Variants in ABHD2 observed in about 807,000 individuals in gnomAD.
The protein encoded by ABHD2 is monoacylglycerol lipase ABHD2.
ABHD2 carries 20 observed loss-of-function variants against 48.1 expected under a neutral mutation model. That is an observed-to-expected ratio of 0.42 (90% CI 0.29 to 0.60). The LOEUF (loss-of-function observed/expected upper bound fraction) is 0.60. ABHD2 is among the 20% of genes least tolerant of loss of function. The probability of loss-of-function intolerance (pLI) is 0.24; values close to 1 mark genes in which losing one functional copy is unlikely to be tolerated. For missense variants in ABHD2, 405 were observed against 550.9 expected, an observed-to-expected ratio of 0.74 and a Z score of 2.65; for synonymous variants, 209 against 214.2, an observed-to-expected ratio of 0.98 and a Z score of 0.21.
chr15:89,046,764 T>C, the ABHD2 span, among the ~76,000 whole-genome samples: 1 of 152,250 alleles, frequency 6.6e-6, no homozygotes, highest in Non-Finnish European at 1.5e-5. Context: ...TCATTTTTTA[T>C]TGCATCTATT....
the ABHD2 span, among the ~76,000 whole-genome samples, chr15:89,060,728 T>A: frequency 6.6e-6 from 1 of 152,020 alleles, no homozygotes; most frequent in Non-Finnish European, 1.5e-5. Flanking sequence ...GTGGAACACT[T>A]GAAACGTATA....
At chr15:89,183,384 A>AAAAAAAAATATAT (rs61602174) in intron 6 of ABHD2, 3 of 46,264 alleles carry the variant, frequency 6.5e-5, no homozygotes, top group African/African-American at 1.4e-4. Flanking sequence ...AAAAAAAAAA[A>AAAAAAAAATATAT]ATATATATAT....
chr15:89,193,838 G>A (rs990207020), intron 10 of ABHD2, among the ~76,000 whole-genome samples: 2 of 151,008 alleles, frequency 1.3e-5, no homozygotes, highest in South Asian at 2.1e-4. Context: ...GGAGAATGGC[G>A]TGAACCCGGG....
the ABHD2 span, among the ~76,000 whole-genome samples, chr15:89,049,667 C>G: frequency 6.6e-6 from 1 of 152,248 alleles, no homozygotes; most frequent in Admixed American, 6.5e-5. Context: ...TGGCTTCTGT[C>G]ACCCTTTTCT....
intron 9 of ABHD2, among the ~76,000 whole-genome samples, chr15:89,191,905 G>A (rs548886387): frequency 3.4e-5 from 5 of 146,944 alleles, no homozygotes; most frequent in African/African-American, 1.0e-4. Flanking sequence ...GGGATTACAG[G>A]CGTGAGACAC....
chr15:89,061,113 G>T, the ABHD2 span, among the ~76,000 whole-genome samples: 1 of 148,486 alleles, frequency 6.7e-6, no homozygotes, highest in Non-Finnish European at 1.5e-5. Flanking sequence ...GGGAGGGAAG[G>T]ATTGAAAAAC....
At chr15:89,193,509 C>T (rs2051341003) in intron 10 of ABHD2, 190 bp downstream of exon 10, 4 of 604,404 alleles carry the variant, frequency 6.6e-6, no homozygotes, top group Middle Eastern at 4.3e-4. Flanking sequence ...ATCAGGCCTC[C>T]CTCGTGTTCC....
the ABHD2 span, among the ~76,000 whole-genome samples, chr15:89,070,789 A>C: frequency 2.0e-5 from 3 of 152,268 alleles, no homozygotes; most frequent in Non-Finnish European, 4.4e-5. Flanking sequence ...TTGAAATTCC[A>C]CTGGGCTGAC....
At chr15:89,087,632 AGT>A (rs1458941669), upstream of ABHD2, 2 of 152,336 alleles carry the variant, frequency 1.3e-5, no homozygotes, top group Non-Finnish European at 2.9e-5. This position sits in a 1 kb window ranked among gnomAD's most constrained non-coding sequence, Gnocchi z 5.5. Context: ...TGTTACCCTC[AGT>A]TGCCAAGTGA....
Position 89,173,287 on chromosome 15 carries a change from A to G in ABHD2, c.539-2525A>G, listed in dbSNP as rs1039579931. Among the ~76,000 whole-genome samples the G allele has an allele frequency of 5.3e-5, 8 of 152,190 alleles. No homozygotes were observed. The highest frequency in any genetic ancestry group is 1.9e-4 in the African/African-American group (8 of 41,444). On this transcript the variant is annotated intron_variant, in intron 5 of 10. Coordinates refer to ENST00000352732, the MANE Select transcript of ABHD2 (RefSeq NM_152924.5). The surrounding 1 kb of genome is among the most constrained non-coding windows in gnomAD (Gnocchi z 6.5). ...CCATTGCTACCTTCTTAAAAAGAGA[A>G]ACTTGGCCAGGGCAGTGGCTCATGC...
chr15:89,147,256 G>GT (rs1461702579), intron 3 of ABHD2, among the ~76,000 whole-genome samples: 1 of 151,284 alleles, frequency 6.6e-6, no homozygotes, highest in Non-Finnish European at 1.5e-5. Context: ...TTTTATAAAA[G>GT]TAAGTGGATT....
the ABHD2 span, among the ~76,000 whole-genome samples, chr15:89,046,755 C>A: frequency 6.6e-6 from 1 of 152,082 alleles, no homozygotes; most frequent in South Asian, 2.1e-4. Context: ...TCCCCTTTAT[C>A]ATTTTTTATT....
chr15:89,088,513 G>A lies in ABHD2; in HGVS notation c.-157G>A. 6.5e-6 allele frequency: 1 copy of A among 152,830 alleles called. No individual in the cohort carries two copies. Among genetic ancestry groups the A allele is most frequent in the Non-Finnish European group, 1.5e-5 (1 of 68,430 alleles). The allele number at this position is 152,830 out of a possible 1,614,324, so 9.5% of individuals were successfully genotyped here. ...GAGCGCCGCTGGCAGCCGGGGAGCTGCAGGAACCAGACTGGGGGCGAGCTG... is the reference window on the plus strand; with the variant it reads ...GAGCGCCGCTGGCAGCCGGGGAGCTACAGGAACCAGACTGGGGGCGAGCTG... On this transcript the variant is annotated 5_prime_UTR_variant, in exon 1 of 11. Coordinates refer to ENST00000352732, the MANE Select transcript of ABHD2 (RefSeq NM_152924.5). The surrounding 1 kb of genome is among the most constrained non-coding windows in gnomAD (Gnocchi z 6.8).
chr15:89,086,383 TACA>T (rs1419230449), upstream of ABHD2, among the ~76,000 whole-genome samples: 2 of 152,220 alleles, frequency 1.3e-5, no homozygotes, highest in African/African-American at 2.4e-5. Context: ...ATTTATGATG[TACA>T]ACATGCTTTA....
At chr15:89,122,383 A>G (rs1036245041) in intron 3 of ABHD2, among the ~76,000 whole-genome samples, 6 of 152,190 alleles carry the variant, frequency 3.9e-5, no homozygotes, top group Non-Finnish European at 5.9e-5. Flanking sequence ...CTCAAGTACA[A>G]TGCCATTCTG....
the ABHD2 span, among the ~76,000 whole-genome samples, chr15:89,065,058 A>G: frequency 1.3e-5 from 2 of 152,138 alleles, no homozygotes; most frequent in Non-Finnish European, 2.9e-5. Context: ...TATACAGCCT[A>G]AATGTAAGTC....
At chr15:89,066,222 G>A in the ABHD2 span, among the ~76,000 whole-genome samples, 1 of 152,102 alleles carries the variant, frequency 6.6e-6, no homozygotes, top group Non-Finnish European at 1.5e-5. Flanking sequence ...CACAGTTCTG[G>A]AGGCTAGAAG....
intron 3 of ABHD2, among the ~76,000 whole-genome samples, chr15:89,134,448 G>A (rs934818620): frequency 1.3e-5 from 2 of 151,998 alleles, no homozygotes; most frequent in Non-Finnish European, 2.9e-5. Flanking sequence ...AAATTTCCTG[G>A]ATGTATTTAG....
chr15:89,143,848 A>G (rs772449928), intron 3 of ABHD2, among the ~76,000 whole-genome samples: 5 of 152,096 alleles, frequency 3.3e-5, no homozygotes, highest in Non-Finnish European at 7.4e-5. Flanking sequence ...CCACTAGGAT[A>G]GCTATAGTAA....
Sources: gnomAD v4.1 joint callset for allele counts (sites outside exome capture counted in the v4.1 genomes callset) on GRCh38, gnomAD v4.1.1 for gene constraint, Gnocchi (gnomAD v3.1) non-coding constraint, MANE v1.5 for transcripts, NCBI Gene and HGNC (gene_info 2026-07-23, HGNC 2026-07-21) for gene names.